Variants in ETV5 observed in about 807,000 individuals in gnomAD.
ETV5 encodes ETS variant transcription factor 5, also known as ETS translocation variant 5.
Under a neutral mutation model 70.0 loss-of-function variants are expected in ETV5, and 10 were observed. The observed-to-expected ratio is 0.14, with a 90% confidence interval of 0.09 to 0.24. The LOEUF is 0.24. Ranked by LOEUF, ETV5 falls within the 10% of genes least tolerant of loss-of-function variation. ETV5 has a pLI of 1.00. For synonymous variants in ETV5, 216 were observed against 242.2 expected, an observed-to-expected ratio of 0.89 and a Z score of 1.01; for missense variants, 453 against 651.2, an observed-to-expected ratio of 0.70 and a Z score of 3.31.
chr3:186,051,144 A>G (rs1379017810), intron 12 of ETV5, among the ~76,000 whole-genome samples: 1 of 152,174 alleles, frequency 6.6e-6, no homozygotes, highest in African/African-American at 2.4e-5. Context: ...GAAAATCACA[A>G]TGAGCTGTTG....
intron 6 of ETV5, 67 bp from the exon 7 acceptor site, chr3:186,080,171 A>G (rs1578552241): frequency 7.5e-7 from 1 of 1,341,018 alleles, no homozygotes; most frequent in Non-Finnish European, 9.8e-7. Flanking sequence ...TACCAGGTCC[A>G]GCAGAAAGCT....
At position 186,105,889 on chromosome 3, in the gene ETV5, T is replaced by C. The variant is rs539743963; in HGVS notation, c.-21A>G. The C allele has an allele frequency of 2.5e-6, 4 of 1,613,306 alleles. No homozygotes were observed. The highest frequency in any genetic ancestry group is 4.5e-5 in the East Asian group (2 of 44,878). ...TCCATGGTGCTTTCAGCGTCTCTAA[T>C]ACCACTTTGAGAGGTTTCAGCATTG... On this transcript the variant is annotated 5_prime_UTR_variant, in exon 2 of 13. Coordinates refer to ENST00000306376, the MANE Select transcript of ETV5 (RefSeq NM_004454.3). This position sits in a 1 kb window ranked among gnomAD's most constrained non-coding sequence, Gnocchi z 4.5.
intron 8 of ETV5, 179 bp from the exon 9 acceptor site, chr3:186,064,655 A>C: frequency 3.3e-6 from 2 of 602,110 alleles, no homozygotes; most frequent in South Asian, 4.3e-5. Context: ...AAACACCATA[A>C]CCCACCAGCT....
intron 7 of ETV5, among the ~76,000 whole-genome samples, chr3:186,073,670 T>C (rs1042388594): frequency 2.0e-5 from 3 of 152,202 alleles, no homozygotes; most frequent in Admixed American, 2.0e-4. Context: ...AAAGAAATAA[T>C]AGAAAATACT....
intron 5 of ETV5, chr3:186,095,387 T>A (rs955150287): frequency 6.6e-6 from 1 of 152,232 alleles, no homozygotes; most frequent in African/African-American, 2.4e-5. Flanking sequence ...CCAACTTACA[T>A]AATTCTCATC....
At chr3:186,070,354 T>C (rs1008216343) in intron 7 of ETV5, among the ~76,000 whole-genome samples, 7 of 152,218 alleles carry the variant, frequency 4.6e-5, no homozygotes, top group Admixed American at 4.6e-4. Context: ...GTGCTCATCT[T>C]TTCTCACCTT....
intron 7 of ETV5, among the ~76,000 whole-genome samples, chr3:186,069,402 A>C (rs987826321): frequency 3.9e-5 from 6 of 152,222 alleles, no homozygotes; most frequent in Non-Finnish European, 8.8e-5. Flanking sequence ...GAAGAAGTGT[A>C]AATTCCCGTC....
intron 7 of ETV5, among the ~76,000 whole-genome samples, chr3:186,077,579 G>A (rs192162547): frequency 2.0e-5 from 3 of 152,260 alleles, no homozygotes; most frequent in Admixed American, 2.0e-4. Context: ...ATAAAGGTAG[G>A]GTGGAATAAG....
chr3:186,106,958 C>T (rs1347405360), intron 1 of ETV5: 2 of 984,912 alleles, frequency 2.0e-6, no homozygotes, highest in Non-Finnish European at 1.2e-6. Context: ...CAGCTCTAAG[C>T]AATTCAAAAT....
At position 186,077,926 on chromosome 3, in the gene ETV5, A is replaced by G. The variant is rs547207331; in HGVS notation, c.650+1891T>C. On this transcript the variant is annotated intron_variant, in intron 7 of 12. Coordinates refer to ENST00000306376, the MANE Select transcript of ETV5 (RefSeq NM_004454.3). ...GACCCATCAGTCTCAAAGGCAGAGT[A>G]TAACAAGAAGTAAGTCCAAAATGCA... 50 of 890,126 alleles carry G rather than the reference A, an allele frequency of 5.6e-5. No homozygotes were observed. The African/African-American group carries it at 6.8e-4, about 12-fold the overall frequency. The allele number at this position is 890,126 out of a possible 1,614,324, so 55.1% of individuals were successfully genotyped here. A position where few individuals can be genotyped will look rare whatever the true frequency, so the allele number is the denominator to read the frequency against.
chr3:186,055,441 T>C (rs951064377), intron 11 of ETV5, among the ~76,000 whole-genome samples: 5 of 152,170 alleles, frequency 3.3e-5, no homozygotes, highest in African/African-American at 9.7e-5. Flanking sequence ...TGGCTCTATT[T>C]CTACATGGCC....
intron 7 of ETV5, among the ~76,000 whole-genome samples, chr3:186,075,169 C>A (rs1713752283): frequency 6.6e-6 from 1 of 152,144 alleles, no homozygotes; most frequent in African/African-American, 2.4e-5. Context: ...AAAACCTACG[C>A]ACTCTAACCA....
chr3:186,057,202 G>A lies in ETV5; in HGVS notation c.1082C>T (p.Pro361Leu), dbSNP rs1713185802. 6.2e-7 allele frequency: 1 copy of A among 1,614,084 alleles called. No homozygotes were observed. Among genetic ancestry groups the A allele is most frequent in the African/African-American group, 1.3e-5 (1 of 74,934 alleles). The change falls in exon 11 of 13, where the codon CCT becomes CTT. Residue 361 changes from proline to leucine, a missense_variant. By Grantham distance (98) the Pro-to-Leu change is moderately conservative (BLOSUM62 -3). Around this residue, in one of 4 missense-constraint regions of ETV5, gnomAD observed 25 missense variants for 114.3 expected, o/e 0.22. Transcript: ENST00000306376. This position sits in a 1 kb window ranked among gnomAD's most constrained non-coding sequence, Gnocchi z 4.9. ...CTGAAGGGAACCTCGCCTCTGGTAA[G>A]GGGGCCCCTCTCGATACATGGTAGG... ...QEPTMYREGP[P>L]YQRRGSLQLW... is the part of the protein sequence containing the mutation.
At chr3:186,104,053 A>C (rs1174811869) in intron 5 of ETV5, among the ~76,000 whole-genome samples, 1 of 152,250 alleles carries the variant, frequency 6.6e-6, no homozygotes. Flanking sequence ...AAAATGAGAA[A>C]TTGAGTCCTT....
intron 11 of ETV5, among the ~76,000 whole-genome samples, chr3:186,056,075 G>C (rs925337213): frequency 3.3e-5 from 5 of 152,138 alleles, no homozygotes; most frequent in East Asian, 1.9e-4. Context: ...GCTATACTGA[G>C]AGCCTGATTT....
Position 186,047,333 on chromosome 3 carries a change from G to T in ETV5, c.*1306C>A, listed in dbSNP as rs995801975. 2 of 230,574 alleles carry T rather than the reference G, an allele frequency of 8.7e-6. No individual in the cohort carries two copies. The highest frequency in any genetic ancestry group is 1.7e-5 in the Non-Finnish European group (2 of 116,328). The allele number at this position is 230,574 out of a possible 1,614,324, so 14.3% of individuals were successfully genotyped here. ...TGTTGCTTACCTGTCAGTATCACAC[G>T]TAAGTCTCAAACCCTACTGAATCAC... On this transcript the variant is annotated 3_prime_UTR_variant, in exon 13 of 13. Transcript: ENST00000306376.
Position 186,052,210 on chromosome 3 carries a change from G to A in ETV5, c.1210-79C>T. ...TTCTCTCCCAATCCCAGCAGAGCCA[G>A]TTCTGTAACCTGACTGCTTTGGTCA... On this transcript the variant is annotated intron_variant, in intron 11 of 12. Transcript: ENST00000306376. This position sits in a 1 kb window ranked among gnomAD's most constrained non-coding sequence, Gnocchi z 4.5. 7.2e-7 allele frequency: 1 copy of A among 1,380,056 alleles called. No homozygotes were observed. 85.5% of individuals were successfully genotyped at this position (1,380,056 alleles called of 1,614,324 possible).
intron 5 of ETV5, among the ~76,000 whole-genome samples, chr3:186,094,820 A>G (rs1193025434): frequency 6.6e-6 from 1 of 152,238 alleles, no homozygotes; most frequent in African/African-American, 2.4e-5. Context: ...AGCATTTAAC[A>G]GTCAAGTAAC....
intron 5 of ETV5, among the ~76,000 whole-genome samples, chr3:186,088,514 G>A (rs1714108857): frequency 6.6e-6 from 1 of 152,138 alleles, no homozygotes; most frequent in Non-Finnish European, 1.5e-5. Context: ...TTTCCCTCTA[G>A]AGGAAGAATT....
Sources: allele counts gnomAD v4.1 joint callset (sites outside exome capture counted in the v4.1 genomes callset), GRCh38; gene constraint gnomAD v4.1.1; regional missense constraint gnomAD v4.1.1; non-coding constraint Gnocchi (gnomAD v3.1); transcripts MANE v1.5; gene names NCBI Gene and HGNC (gene_info 2026-07-23, HGNC 2026-07-21).